Variants in AVEN observed in about 807,000 individuals in gnomAD.
AVEN encodes cell death regulator Aven.
A neutral mutation model predicts 38.1 loss-of-function variants in AVEN; 41 were observed. The ratio of observed to expected loss-of-function variants is 1.08; its 90% CI spans 0.84 to 1.40. The LOEUF (loss-of-function observed/expected upper bound fraction) is 1.40. Among genes scored for constraint, AVEN ranks in the 40% most tolerant of loss-of-function variants. The pLI, the probability that AVEN is intolerant of heterozygous loss-of-function variation, is 0.00. For missense variants in AVEN, 605 were observed against 438.8 expected (o/e 1.38, Z -3.38); for synonymous variants, 206 against 171.8 (o/e 1.20, Z -1.56).
intron 2 of AVEN, among the ~76,000 whole-genome samples, chr15:33,898,211 T>A (rs913625003): frequency 6.6e-6 from 1 of 152,148 alleles, no homozygotes; most frequent in African/African-American, 2.4e-5. Context: ...AACAGCTGAA[T>A]GACTCAGTCA....
intron 2 of AVEN, among the ~76,000 whole-genome samples, chr15:33,933,813 G>A (rs900675567): frequency 1.3e-5 from 2 of 152,064 alleles, no homozygotes; most frequent in Non-Finnish European, 2.9e-5. Flanking sequence ...ACAAAAATTA[G>A]CCAGGAGTGG....
intron 5 of AVEN, among the ~76,000 whole-genome samples, chr15:34,052,433 GCACAAGA>G (rs1196993100): frequency 6.6e-6 from 1 of 152,102 alleles, no homozygotes; most frequent in Non-Finnish European, 1.5e-5. Context: ...ATGAAAACCA[GCACAAGA>G]CAAGGGTACT....
intron 1 of AVEN, among the ~76,000 whole-genome samples, chr15:34,028,707 A>C (rs955200385): frequency 6.6e-6 from 1 of 152,158 alleles, no homozygotes; most frequent in Non-Finnish European, 1.5e-5. Flanking sequence ...AGATATCCTT[A>C]ATCACCTTTC....
At chr15:34,027,189 C>T (rs1288909406) in intron 1 of AVEN, among the ~76,000 whole-genome samples, 1 of 152,074 alleles carries the variant, frequency 6.6e-6, no homozygotes, top group Non-Finnish European at 1.5e-5. Flanking sequence ...CAGTAACGTG[C>T]CCCATTCCCA....
At chr15:34,011,674 G>A (rs1251548151) in intron 1 of AVEN, among the ~76,000 whole-genome samples, 2 of 152,088 alleles carry the variant, frequency 1.3e-5, no homozygotes, top group East Asian at 3.9e-4. Flanking sequence ...AACCCTCAGT[G>A]CAGCTGTTCA....
intron 4 of AVEN, chr15:34,064,634 T>C (rs1900463531): frequency 3.1e-6 from 1 of 320,822 alleles, no homozygotes; most frequent in Admixed American, 4.7e-5. Context: ...TCAGGGAACT[T>C]ATGCCCCTTC....
intron 2 of AVEN, among the ~76,000 whole-genome samples, chr15:33,892,614 G>C (rs1892033232): frequency 1.3e-5 from 2 of 152,076 alleles, no homozygotes; most frequent in South Asian, 4.1e-4. Flanking sequence ...GCACCATGCT[G>C]TTTGGTAGCC....
At chr15:33,934,922 T>C (rs1410201728) in intron 2 of AVEN, among the ~76,000 whole-genome samples, 2 of 152,166 alleles carry the variant, frequency 1.3e-5, no homozygotes, top group Admixed American at 6.5e-5. Context: ...AATGAAACGA[T>C]GTAAGTAAAG....
intron 2 of AVEN, among the ~76,000 whole-genome samples, chr15:33,880,616 A>AT (rs1409129472): frequency 6.6e-6 from 1 of 152,220 alleles, no homozygotes; most frequent in Non-Finnish European, 1.5e-5. Flanking sequence ...AAAGTAAATC[A>AT]TTTTTGGAGG....
chr15:33,926,208 A>G (rs1468295253), intron 2 of AVEN, among the ~76,000 whole-genome samples: 1 of 152,224 alleles, frequency 6.6e-6, no homozygotes, highest in East Asian at 1.9e-4. Context: ...CTCACTGCCT[A>G]ACCTGTCTCA....
At position 33,941,729 on chromosome 15, in the gene AVEN, C is replaced by A. The variant is rs556247056; in HGVS notation, c.445+61303G>T. On this transcript the variant is annotated intron_variant, in intron 2 of 5. Coordinates refer to ENST00000306730, the MANE Select transcript of AVEN (RefSeq NM_020371.3). ...ATGAAAGAAGAAAATCTATTAAAAACAAAAAAAAATAGAACTTATGGGACA... is the reference window on the plus strand; with the variant it reads ...ATGAAAGAAGAAAATCTATTAAAAAAAAAAAAAAATAGAACTTATGGGACA... 4.4e-3 allele frequency among the ~76,000 whole-genome samples: 661 copies of A among 150,094 alleles called. 5 individuals carry two copies. Among genetic ancestry groups the A allele is most frequent in the African/African-American group, 0.016 (638 of 40,918 alleles).
intron 2 of AVEN, among the ~76,000 whole-genome samples, chr15:33,957,081 A>AT (rs1342968633): frequency 2.6e-5 from 4 of 152,328 alleles, no homozygotes; most frequent in African/African-American, 9.6e-5. Flanking sequence ...AAGTTTAATA[A>AT]TTTGTTTTAC....
intron 1 of AVEN, among the ~76,000 whole-genome samples, chr15:34,072,434 A>C (rs1373256863): frequency 6.6e-6 from 1 of 151,346 alleles, no homozygotes; most frequent in Non-Finnish European, 1.5e-5. Context: ...AACATGGTGA[A>C]ACCCCGTCTC....
chr15:33,872,145 C>T (rs1313785160), intron 3 of AVEN, among the ~76,000 whole-genome samples: 1 of 152,106 alleles, frequency 6.6e-6, no homozygotes, highest in Non-Finnish European at 1.5e-5. Flanking sequence ...AGAAAGGAGA[C>T]ACTCCAGTGC....
chr15:34,008,125 G>A (rs781752390), intron 1 of AVEN, among the ~76,000 whole-genome samples: 9 of 151,956 alleles, frequency 5.9e-5, no homozygotes, highest in Non-Finnish European at 8.8e-5. Context: ...AAAAATAGTC[G>A]AAAATAATGG....
chr15:33,864,193 A>G, downstream of AVEN: 1 of 1,607,108 alleles, frequency 6.2e-7, no homozygotes, highest in Non-Finnish European at 8.5e-7. Context: ...GGGTCAGGTG[A>G]GAAATTAAGA....
intron 2 of AVEN, among the ~76,000 whole-genome samples, chr15:33,965,133 CTTGT>C (rs1433840760): frequency 6.6e-6 from 1 of 152,130 alleles, no homozygotes; most frequent in Non-Finnish European, 1.5e-5. Flanking sequence ...GTGCACTGGT[CTTGT>C]ACCAAGTAAG....
chr15:33,948,871 T>C (rs1222607570), intron 2 of AVEN, among the ~76,000 whole-genome samples: 2 of 151,782 alleles, frequency 1.3e-5, no homozygotes, highest in African/African-American at 4.8e-5. Context: ...AGGGGATTCA[T>C]CATGATGGCC....
chr15:33,866,329 T>G lies in AVEN; in HGVS notation c.*284A>C. 2.2e-6 allele frequency: 1 copy of G among 452,468 alleles called. No homozygotes were observed. The highest frequency in any genetic ancestry group is 2.0e-5 in the African/African-American group (1 of 51,156). The allele number at this position is 452,468 out of a possible 1,614,324, so 28.0% of individuals were successfully genotyped here. On this transcript the variant is annotated 3_prime_UTR_variant, in exon 6 of 6. Transcript: ENST00000306730. ...TGCTATGCTGTAAACACTGGCTATGTTGTAAACACTGCAAGGAAGGAGGCT... is the reference window on the plus strand; with the variant it reads ...TGCTATGCTGTAAACACTGGCTATGGTGTAAACACTGCAAGGAAGGAGGCT...
Sources: allele counts gnomAD v4.1 joint callset (sites outside exome capture counted in the v4.1 genomes callset), GRCh38; gene constraint gnomAD v4.1.1; transcripts MANE v1.5; gene names NCBI Gene and HGNC (gene_info 2026-07-23, HGNC 2026-07-21).